Variants in ADK observed in about 807,000 individuals in gnomAD.
The protein encoded by ADK is N6,N6-dimethyladenosine kinase.
In ADK, 24 loss-of-function variants were observed where a neutral mutation model predicts 44.7. The ratio of observed to expected loss-of-function variants is 0.54; its 90% confidence interval spans 0.39 to 0.76. The LOEUF (loss-of-function observed/expected upper bound fraction) is 0.76, where lower values mean the gene tolerates loss of function less well. Among genes scored for constraint, ADK ranks in the 30% least tolerant of loss-of-function variants. ADK has a pLI of 0.00. For missense variants in ADK, 321 were observed against 425.1 expected (o/e 0.76, Z 2.15); for synonymous variants, 128 against 142.6 (o/e 0.90, Z 0.73).
intron 6 of ADK, among the ~76,000 whole-genome samples, chr10:74,510,644 T>C (rs756041861): frequency 8.5e-5 from 13 of 152,220 alleles, no homozygotes; most frequent in Non-Finnish European, 1.5e-4. Flanking sequence ...TCCAGATCAA[T>C]GTCCTAAAGC....
chr10:74,542,904 A>T lies in ADK; in HGVS notation c.726+17478A>T, dbSNP rs1039097323. Among the ~76,000 whole-genome samples the T allele has an allele frequency of 1.4e-3, 204 of 150,954 alleles. 1 individual carries two copies. The highest frequency in any genetic ancestry group is 4.3e-3 in the African/African-American group (176 of 41,116). ...ATTTTAGTTATTTATTTATTTATTT[A>T]TTTATTTTTTTAATGAGATGGAGTC... On this transcript the variant is annotated intron_variant, in intron 7 of 10. Transcript: ENST00000539909.
chr10:74,338,864 C>T (rs912876954), intron 4 of ADK, among the ~76,000 whole-genome samples: 8 of 152,124 alleles, frequency 5.3e-5, no homozygotes, highest in African/African-American at 1.7e-4. Context: ...CTGGTGAGTA[C>T]ATGAATCTTT....
At chr10:74,263,843 T>G (rs1212252594) in intron 3 of ADK, among the ~76,000 whole-genome samples, 3 of 152,230 alleles carry the variant, frequency 2.0e-5, no homozygotes, top group Admixed American at 6.5e-5. Context: ...ACGTAATTTA[T>G]ATGTAATTTA....
At chr10:74,446,943 T>A (rs1845608192) in intron 6 of ADK, among the ~76,000 whole-genome samples, 1 of 152,120 alleles carries the variant, frequency 6.6e-6, no homozygotes, top group South Asian at 2.1e-4. Flanking sequence ...CCCAAAGCAT[T>A]TTAAATCTTC....
intron 7 of ADK, 44 bp from the exon 8 acceptor site, chr10:74,589,238 C>G: frequency 6.3e-7 from 1 of 1,579,642 alleles, no homozygotes; most frequent in South Asian, 1.1e-5. Context: ...TTCTTCATTA[C>G]CGAGCACTTT....
intron 6 of ADK, among the ~76,000 whole-genome samples, chr10:74,407,068 C>T (rs1428185576): frequency 6.6e-6 from 1 of 151,834 alleles, no homozygotes; most frequent in Non-Finnish European, 1.5e-5. Context: ...ATGCAACCCC[C>T]ACCTCAGCCT....
intron 1 of ADK, among the ~76,000 whole-genome samples, chr10:74,189,633 T>C (rs377301769): frequency 9.2e-5 from 14 of 152,242 alleles, no homozygotes; most frequent in African/African-American, 3.4e-4. Context: ...CACTTAAAAA[T>C]TGCACAGCTC....
intron 7 of ADK, among the ~76,000 whole-genome samples, chr10:74,550,579 G>GC (rs1849999081): frequency 6.6e-6 from 1 of 152,110 alleles, no homozygotes; most frequent in African/African-American, 2.4e-5. Flanking sequence ...AGTAAGCATG[G>GC]TAGTATCACT....
At chr10:74,303,821 T>C (rs1242899613) in intron 3 of ADK, among the ~76,000 whole-genome samples, 1 of 151,660 alleles carries the variant, frequency 6.6e-6, no homozygotes, top group East Asian at 1.9e-4. Flanking sequence ...TATAAAAAAT[T>C]AGCTGGGTGT....
chr10:74,194,297 T>C (rs532894178), intron 1 of ADK, among the ~76,000 whole-genome samples: 1 of 152,292 alleles, frequency 6.6e-6, no homozygotes, highest in Non-Finnish European at 1.5e-5. Flanking sequence ...TATATTAGAA[T>C]GGTGAGAGGT....
intron 9 of ADK, among the ~76,000 whole-genome samples, chr10:74,618,155 G>T (rs557704303): frequency 9.9e-5 from 15 of 151,314 alleles, no homozygotes; most frequent in African/African-American, 3.7e-4. Flanking sequence ...ATTTTAATCA[G>T]CCTGTTTATA....
intron 10 of ADK, among the ~76,000 whole-genome samples, chr10:74,677,246 AAAAC>A (rs1349284470): frequency 6.6e-6 from 1 of 152,172 alleles, no homozygotes; most frequent in Admixed American, 6.5e-5. Context: ...CCCTGTCTCA[AAAAC>A]AAACAAAAAA....
At chr10:74,552,183 A>G (rs538956185) in intron 7 of ADK, among the ~76,000 whole-genome samples, 1 of 152,260 alleles carries the variant, frequency 6.6e-6, no homozygotes, top group East Asian at 1.9e-4. Context: ...ACAGCCAGTT[A>G]TGAAATATGC....
chr10:74,349,832 A>G (rs1435957743), intron 4 of ADK, among the ~76,000 whole-genome samples: 1 of 152,208 alleles, frequency 6.6e-6, no homozygotes, highest in Non-Finnish European at 1.5e-5. Context: ...GGCATTACAT[A>G]ATGGTAAAGG....
chr10:74,609,477 C>A (rs1264962848), intron 9 of ADK, among the ~76,000 whole-genome samples: 2 of 152,126 alleles, frequency 1.3e-5, no homozygotes, highest in Non-Finnish European at 2.9e-5. Context: ...TCATGGCTTC[C>A]CTTGACTAGG....
chr10:74,650,765 G>A (rs1462114151), intron 9 of ADK, among the ~76,000 whole-genome samples: 1 of 152,150 alleles, frequency 6.6e-6, no homozygotes, highest in Non-Finnish European at 1.5e-5. Flanking sequence ...TGTATATGGT[G>A]TCTGGGTCAT....
intron 10 of ADK, among the ~76,000 whole-genome samples, chr10:74,702,524 T>TTTCTTTCC (rs1554900285): frequency 8.3e-6 from 1 of 120,818 alleles, no homozygotes; most frequent in East Asian, 2.2e-4. Context: ...TCCTTCCTTC[T>TTTCTTTCC]TTCCTTCCTT....
intron 3 of ADK, among the ~76,000 whole-genome samples, chr10:74,281,288 G>A (rs1846923040): frequency 6.6e-6 from 1 of 152,190 alleles, no homozygotes. Flanking sequence ...TATGCTCATG[G>A]GCTGAGCCCG....
rs536558266 is a variant in ADK, at chr10:74,449,346, A to G, written c.555+50767A>G. Among the ~76,000 whole-genome samples the G allele has an allele frequency of 2.0e-5, 3 of 152,328 alleles. No homozygotes were observed. In the East Asian group the frequency reaches 5.8e-4, roughly 29 times the overall value. On this transcript the variant is annotated intron_variant, in intron 6 of 10. Transcript: ENST00000539909. The stretch of plus-strand genomic sequence containing the variant: ...CAGGATACTCCAGTAATAGAAGTCA[A>G]CTGACTGGGAGTTTTAATTACATCT...
Sources: allele counts gnomAD v4.1 joint callset (sites outside exome capture counted in the v4.1 genomes callset), GRCh38; gene constraint gnomAD v4.1.1; transcripts MANE v1.5; gene names NCBI Gene and HGNC (gene_info 2026-07-23, HGNC 2026-07-21).